FUBP1: variants seen among roughly 807,000 people sequenced by gnomAD.
FUBP1 encodes the protein far upstream element binding protein 1.
Under a neutral mutation model 94.9 loss-of-function variants are expected in FUBP1, and 16 were observed. That is an observed-to-expected ratio of 0.17 (90% confidence interval 0.11 to 0.26). The LOEUF (loss-of-function observed/expected upper bound fraction) is 0.26. Ranked by LOEUF, FUBP1 falls within the 10% of genes least tolerant of loss-of-function variation. The probability of loss-of-function intolerance (pLI) is 1.00; values close to 1 mark genes in which losing one functional copy is unlikely to be tolerated. For synonymous variants in FUBP1, 279 were observed against 254.9 expected (o/e 1.09, Z -0.90); for missense variants, 583 against 808.6 (o/e 0.72, Z 3.38).
In FUBP1 at chr1:77,955,290, T is replaced by C. The variant is rs1341304142; in HGVS notation, c.1745A>G (p.Tyr582Cys). ...QNPAPAGQVD[Y>C]TKAWEEYYKK... ...GTAGTACTCTTCCCAAGCCTTGGTATAATCAACCTGTCCAGCTGGGGCTGG... is the reference window on the plus strand; with the variant it reads ...GTAGTACTCTTCCCAAGCCTTGGTACAATCAACCTGTCCAGCTGGGGCTGG... Residue 582 changes from tyrosine to cysteine, a missense_variant, in exon 18 of 20, where the codon TAT (tyrosine) becomes TGT (cysteine). Physicochemically the swap from Tyr to Cys is radical, Grantham distance 194. Coordinates refer to ENST00000370768, the MANE Select transcript of FUBP1 (RefSeq NM_003902.5). The C allele has an allele frequency of 6.4e-7, 1 of 1,554,144 alleles. No individual in the cohort carries two copies. The highest frequency in any genetic ancestry group is 8.9e-7 in the Non-Finnish European group (1 of 1,125,276).
chr1:77,951,578 C>T (rs2102259666), intron 18 of FUBP1, among the ~76,000 whole-genome samples: 1 of 152,298 alleles, frequency 6.6e-6, no homozygotes, highest in South Asian at 2.1e-4. Flanking sequence ...GGGTCTTGCT[C>T]TGTCACCTAG....
chr1:77,960,247 A>G lies in FUBP1; in HGVS notation c.1513T>C (p.Tyr505His). ...GPAPHGPPAPYAPQGWGNAYP... is the reference protein window; with the variant it reads ...GPAPHGPPAPHAPQGWGNAYP... ...GCATTTCCCCATCCCTGGGGAGCAT[A>G]TGGGGCTGGAGGACCACTGAAAAGA... The change falls in exon 16 of 20, where the codon TAT (tyrosine) becomes CAT (histidine). Residue 505 changes from tyrosine (Y) to histidine (H), a missense_variant. Tyr to His is a moderately conservative substitution (Grantham distance 83, BLOSUM62 2). Coordinates refer to ENST00000370768, the MANE Select transcript of FUBP1 (RefSeq NM_003902.5). 1 of 1,613,094 alleles carries G rather than the reference A, an allele frequency of 6.2e-7. No individual in the cohort carries two copies. The highest frequency in any genetic ancestry group is 8.5e-7 in the Non-Finnish European group (1 of 1,179,528).
chr1:77,955,497 C>T (rs1654280219), intron 17 of FUBP1, 168 bp from the exon 18 acceptor site: 1 of 576,578 alleles, frequency 1.7e-6, no homozygotes, highest in Admixed American at 3.4e-5. Flanking sequence ...ATAGAAGGTA[C>T]TGGGGGTACA....
chr1:77,973,942 G>A (rs1038555807), intron 1 of FUBP1, among the ~76,000 whole-genome samples: 4 of 151,502 alleles, frequency 2.6e-5, no homozygotes, highest in African/African-American at 9.7e-5. Flanking sequence ...TTAAAATTTT[G>A]AGACAGGGTC....
rs897209704 is a variant in FUBP1, at chr1:77,948,116, T to C, written c.*650A>G. 3 of 1,037,430 alleles carry C rather than the reference T, an allele frequency of 2.9e-6. No individual in the cohort carries two copies. In the Admixed American group the frequency reaches 1.7e-4, roughly 58 times the overall value. 64.3% of individuals were successfully genotyped at this position (1,037,430 alleles called of 1,614,324 possible). ...GTATAAAAGGAAATTTCACTGTTAA[T>C]GCAATGGAAGTATGCCAAAAGATCA... is the stretch of plus-strand genomic sequence containing the variant. On this transcript the variant is annotated 3_prime_UTR_variant, in exon 20 of 20. Coordinates refer to ENST00000370768, the MANE Select transcript of FUBP1 (RefSeq NM_003902.5).
intron 17 of FUBP1, 84 bp downstream of exon 17, chr1:77,956,487 AT>A: frequency 5.7e-6 from 4 of 697,608 alleles, no homozygotes; most frequent in Non-Finnish European, 9.0e-6. Context: ...AATGTCAGAA[AT>A]TTTAGGTATT....
chr1:77,960,128 A>C, intron 16 of FUBP1, 56 bp downstream of exon 16: 1 of 1,221,868 alleles, frequency 8.2e-7, no homozygotes, highest in Middle Eastern at 1.9e-4. Flanking sequence ...AAATTTAATA[A>C]TGTAACAGGA....
rs553209033 is a variant in FUBP1 at position 77,955,196 on chromosome 1, G to A, written c.1780+59C>T. On this transcript the variant is annotated intron_variant, in intron 18 of 19. Transcript: ENST00000370768. ...TTTATTCAATTATTCTCTTCCTGAA[G>A]AGAATAATTTGTTTCAATTTAATTA... is the stretch of plus-strand genomic sequence containing the variant. The A allele has an allele frequency of 1.2e-4, 93 of 765,152 alleles. No homozygotes were observed. In the African/African-American group the frequency reaches 1.6e-3, roughly 13 times the overall value. 47.4% of individuals were successfully genotyped at this position (765,152 alleles called of 1,614,324 possible). A position where few individuals can be genotyped will look rare whatever the true frequency, so the allele number is the denominator to read the frequency against.
chr1:77,953,409 T>G (rs930937738), intron 18 of FUBP1, among the ~76,000 whole-genome samples: 2 of 152,126 alleles, frequency 1.3e-5, no homozygotes, highest in African/African-American at 4.8e-5. Flanking sequence ...GAGAATCGCT[T>G]GAACCTGGGA....
chr1:77,960,602 C>CA, intron 14 of FUBP1, 107 bp from the exon 15 acceptor site: 1 of 894,786 alleles, frequency 1.1e-6, no homozygotes, highest in Non-Finnish European at 1.6e-6. Flanking sequence ...TCACAAATAA[C>CA]AAATTTTAGG....
intron 1 of FUBP1, among the ~76,000 whole-genome samples, chr1:77,976,808 A>G (rs1658685736): frequency 6.6e-6 from 1 of 152,160 alleles, no homozygotes; most frequent in Non-Finnish European, 1.5e-5. Context: ...TCCAATTTTT[A>G]ATTAAAGCAT....
chr1:77,972,761 CAAAAAAGA>C (rs1657812949), intron 1 of FUBP1, among the ~76,000 whole-genome samples: 2 of 139,228 alleles, frequency 1.4e-5, no homozygotes, highest in African/African-American at 5.3e-5. Context: ...GACTCTGTCT[CAAAAAAGA>C]AAAAAAGAAA....
rs965428318 is a variant in FUBP1, at chr1:77,945,376, T to C, written c.*3390A>G. 1.4e-5 allele frequency: 3 copies of C among 213,464 alleles called. No individual in the cohort carries two copies. Among genetic ancestry groups the C allele is most frequent in the African/African-American group, 4.5e-5 (2 of 44,258 alleles). The allele number at this position is 213,464 out of a possible 1,614,324, so 13.2% of individuals were successfully genotyped here. The stretch of plus-strand genomic sequence containing the variant: ...GTAACTTAAGAAATTTAACAGTTCA[T>C]GGAACATTTAAGATCAAGTGAATAG... On this transcript the variant is annotated 3_prime_UTR_variant, in exon 20 of 20. Coordinates refer to ENST00000370768, the MANE Select transcript of FUBP1 (RefSeq NM_003902.5).
intron 3 of FUBP1, 125 bp from the exon 4 acceptor site, chr1:77,967,791 G>C (rs1656785547): frequency 3.3e-6 from 2 of 607,330 alleles, no homozygotes; most frequent in East Asian, 2.8e-5. Flanking sequence ...ACCTTGAAGA[G>C]AGTCAAATTT....
At chr1:77,967,595 C>A in intron 4 of FUBP1, 32 bp downstream of exon 4, 1 of 1,548,688 alleles carries the variant, frequency 6.5e-7, no homozygotes, top group Admixed American at 1.7e-5. Context: ...CCAAAACTTG[C>A]AGAGTACTTT....
intron 4 of FUBP1, 38 bp from the exon 5 acceptor site, chr1:77,967,139 AAGAT>A: frequency 1.6e-6 from 2 of 1,275,374 alleles, no homozygotes; most frequent in Non-Finnish European, 2.2e-6. Context: ...CCTTCAATGA[AAGAT>A]ACTTTGTTTA....
chr1:77,957,090 G>T (rs1654607037), intron 16 of FUBP1, among the ~76,000 whole-genome samples: 2 of 151,856 alleles, frequency 1.3e-5, no homozygotes, highest in Non-Finnish European at 2.9e-5. Context: ...ACATTTCTAG[G>T]GACTAACCTG....
At chr1:77,953,519 A>C (rs930562827) in intron 18 of FUBP1, among the ~76,000 whole-genome samples, 3 of 152,118 alleles carry the variant, frequency 2.0e-5, no homozygotes, top group African/African-American at 7.2e-5. Context: ...TTAACAAGTG[A>C]TTATTGTGGT....
chr1:77,978,073 C>G (rs1421196593), intron 1 of FUBP1, among the ~76,000 whole-genome samples: 1 of 152,208 alleles, frequency 6.6e-6, no homozygotes, highest in Admixed American at 6.5e-5. Flanking sequence ...CAACACCATA[C>G]ATTTTGAAAT....
Sources: allele counts gnomAD v4.1 joint callset (sites outside exome capture counted in the v4.1 genomes callset), GRCh38; gene constraint gnomAD v4.1.1; transcripts MANE v1.5; gene names NCBI Gene and HGNC (gene_info 2026-07-23, HGNC 2026-07-21).